DLGAP2: variants seen among roughly 807,000 people sequenced by gnomAD.
The protein encoded by DLGAP2 is DLG associated protein 2.
Under a neutral mutation model 100.3 loss-of-function variants are expected in DLGAP2, and 26 were observed. The ratio of observed to expected loss-of-function variants is 0.26; its 90% CI spans 0.19 to 0.36. The LOEUF (loss-of-function observed/expected upper bound fraction) is 0.36, where lower values mean the gene tolerates loss of function less well. DLGAP2 is among the 10% of genes least tolerant of loss of function. DLGAP2 has a pLI of 1.00. For missense variants in DLGAP2, 1,858 were observed against 1,453.2 expected (o/e 1.28, Z -4.53); for synonymous variants, 886 against 630.1 (o/e 1.41, Z -6.08).
At position 760,039 on chromosome 8, in the gene DLGAP2, C is replaced by T. The variant is rs59070303; in HGVS notation, c.18+22214C>T. ...AATTTTGGTGCTTTTTTGTATAAGC[C>T]GAACATTGCAAATACATCTCTGTGT... On this transcript the variant is annotated intron_variant, in intron 1 of 14. Coordinates refer to ENST00000637795, the MANE Select transcript of DLGAP2 (RefSeq NM_001346810.2). Among the ~76,000 whole-genome samples the T allele has an allele frequency of 4.7e-3, 721 of 152,238 alleles. 6 individuals carry two copies. The highest frequency in any genetic ancestry group is 0.015 in the African/African-American group (635 of 41,546).
intron 2 of DLGAP2, among the ~76,000 whole-genome samples, chr8:999,974 G>A (rs1800899563): frequency 6.7e-6 from 1 of 148,250 alleles, no homozygotes; most frequent in Admixed American, 6.7e-5. Flanking sequence ...AGATCCGGGT[G>A]GAGGTGGTTT....
chr8:1,257,772 G>A (rs138591655), intron 2 of DLGAP2, among the ~76,000 whole-genome samples: 3,884 of 152,028 alleles, frequency 0.026, 99 homozygotes, highest in South Asian at 0.071. Flanking sequence ...GTCCTCCCGA[G>A]GGCCCGTGCA....
At chr8:1,371,399 C>A (rs1329196836) in intron 3 of DLGAP2, among the ~76,000 whole-genome samples, 1 of 152,200 alleles carries the variant, frequency 6.6e-6, no homozygotes, top group Non-Finnish European at 1.5e-5. Context: ...TGGCAGAAGT[C>A]AGGCGTGGTT....
At chr8:793,092 T>C (rs1433014481) in intron 1 of DLGAP2, among the ~76,000 whole-genome samples, 1 of 152,256 alleles carries the variant, frequency 6.6e-6, no homozygotes, top group East Asian at 1.9e-4. Flanking sequence ...TCCTTTCTTC[T>C]TGCCGCTGGC....
intron 1 of DLGAP2, among the ~76,000 whole-genome samples, chr8:899,527 G>C (rs978838178): frequency 3.3e-5 from 5 of 152,184 alleles, no homozygotes; most frequent in African/African-American, 1.2e-4. Context: ...CTCTCTGGCT[G>C]TGTGTGTGGT....
chr8:1,665,490 G>A (rs970195063), intron 8 of DLGAP2, among the ~76,000 whole-genome samples: 8 of 152,178 alleles, frequency 5.3e-5, no homozygotes, highest in Admixed American at 3.9e-4. Flanking sequence ...CCAATTTGGC[G>A]TGTTTAATAT....
intron 1 of DLGAP2, among the ~76,000 whole-genome samples, chr8:848,802 T>C (rs1041695243): frequency 5.5e-5 from 8 of 146,722 alleles, no homozygotes; most frequent in South Asian, 4.4e-4. Flanking sequence ...CGTGTTCCAG[T>C]GTAGGAACGT....
At chr8:1,457,515 C>T (rs552083736) in intron 3 of DLGAP2, among the ~76,000 whole-genome samples, 2 of 152,288 alleles carry the variant, frequency 1.3e-5, no homozygotes, top group South Asian at 4.1e-4. Context: ...ACTTTGAATA[C>T]TAATAGGACA....
At chr8:911,253 C>T (rs941680357) in intron 2 of DLGAP2, among the ~76,000 whole-genome samples, 1 of 152,126 alleles carries the variant, frequency 6.6e-6, no homozygotes, top group Non-Finnish European at 1.5e-5. Flanking sequence ...ATTATGGATT[C>T]TGTTTCTTAG....
intron 8 of DLGAP2, among the ~76,000 whole-genome samples, chr8:1,652,202 C>T (rs893143570): frequency 1.5e-4 from 23 of 152,148 alleles, no homozygotes; most frequent in Non-Finnish European, 5.9e-5. Flanking sequence ...GGGCTTTACG[C>T]ACACCGAGGT....
At chr8:1,203,523 G>T (rs74979201) in intron 2 of DLGAP2, among the ~76,000 whole-genome samples, 1 of 152,182 alleles carries the variant, frequency 6.6e-6, no homozygotes, top group Non-Finnish European at 1.5e-5. Context: ...ACCCTTCTCA[G>T]CGATCTCTGT....
intron 3 of DLGAP2, among the ~76,000 whole-genome samples, chr8:1,321,723 C>A (rs550974456): frequency 4.6e-5 from 7 of 152,286 alleles, no homozygotes; most frequent in African/African-American, 1.7e-4. Context: ...TCGGCTTCCC[C>A]ATTTATAACA....
At chr8:1,053,083 A>G (rs1003489947) in intron 2 of DLGAP2, among the ~76,000 whole-genome samples, 4 of 152,194 alleles carry the variant, frequency 2.6e-5, no homozygotes, top group Non-Finnish European at 5.9e-5. Context: ...AAGGAAGCAT[A>G]TGTAATGTGC....
At chr8:1,099,210 G>T (rs560776696) in intron 2 of DLGAP2, among the ~76,000 whole-genome samples, 1 of 152,160 alleles carries the variant, frequency 6.6e-6, no homozygotes, top group Non-Finnish European at 1.5e-5. Context: ...GATCCTCTCC[G>T]AATGCGTAGT....
At chr8:1,592,629 A>T (rs1796326015) in intron 6 of DLGAP2, among the ~76,000 whole-genome samples, 1 of 152,062 alleles carries the variant, frequency 6.6e-6, no homozygotes, top group African/African-American at 2.4e-5. Flanking sequence ...ACTTCTAACT[A>T]TTGAAAATTT....
At chr8:1,513,968 GA>G (rs1341915152) in intron 4 of DLGAP2, among the ~76,000 whole-genome samples, 1 of 152,206 alleles carries the variant, frequency 6.6e-6, no homozygotes, top group African/African-American at 2.4e-5. Context: ...ATGTTGAACT[GA>G]AAGGTACCAG....
rs143771144 is a variant in DLGAP2, at chr8:1,468,980, T to C, written c.107-32386T>C. On this transcript the variant is annotated intron_variant, in intron 3 of 14. Transcript: ENST00000637795. ...ACCACCTTCCCTCTGTACGACCTCA[T>C]CTGAACTTGGGGCCACTGCAAAGAC... 2.1e-3 allele frequency among the ~76,000 whole-genome samples: 313 copies of C among 152,254 alleles called. 2 individuals are homozygous for C. Among genetic ancestry groups the C allele is most frequent in the African/African-American group, 7.1e-3 (296 of 41,544 alleles).
At chr8:1,421,375 G>T (rs868423542) in intron 3 of DLGAP2, among the ~76,000 whole-genome samples, 5 of 152,248 alleles carry the variant, frequency 3.3e-5, no homozygotes, top group Middle Eastern at 6.8e-3. Flanking sequence ...TGTGACTGCA[G>T]TTCATCAATC....
At chr8:1,662,725 T>A (rs1798436615) in intron 8 of DLGAP2, among the ~76,000 whole-genome samples, 2 of 152,258 alleles carry the variant, frequency 1.3e-5, no homozygotes, top group Non-Finnish European at 2.9e-5. Flanking sequence ...CTTAATGAAC[T>A]GCAAAGTATA....
Sources: allele counts gnomAD v4.1 joint callset (sites outside exome capture counted in the v4.1 genomes callset), GRCh38; gene constraint gnomAD v4.1.1; transcripts MANE v1.5; gene names NCBI Gene and HGNC (gene_info 2026-07-23, HGNC 2026-07-21).